ETS1: variants seen among roughly 807,000 people sequenced by gnomAD.
The protein encoded by ETS1 is ETS proto-oncogene 1, transcription factor.
Under a neutral mutation model 58.6 loss-of-function variants are expected in ETS1, and 15 were observed. The observed-to-expected ratio is 0.26, with a 90% CI of 0.17 to 0.39. The LOEUF is 0.39. Among genes scored for constraint, ETS1 ranks in the 10% least tolerant of loss-of-function variants. The pLI is 1.00. For synonymous variants in ETS1, 214 were observed against 218.2 expected, an observed-to-expected ratio of 0.98 and a Z score of 0.17; for missense variants, 417 against 610.5, an observed-to-expected ratio of 0.68 and a Z score of 3.34.
chr11:128,469,175 T>G (rs1279333044), intron 8 of ETS1, among the ~76,000 whole-genome samples: 1 of 152,222 alleles, frequency 6.6e-6, no homozygotes, highest in East Asian at 1.9e-4. Flanking sequence ...TTTGCTACTT[T>G]AAGAAGCTAA....
At chr11:128,529,421 A>AG (rs1308689671) in intron 3 of ETS1, among the ~76,000 whole-genome samples, 1 of 152,234 alleles carries the variant, frequency 6.6e-6, no homozygotes, top group Non-Finnish European at 1.5e-5. Context: ...ACAATCTAGC[A>AG]GGTGGCACAG....
At chr11:128,526,946 A>C (rs1217251284) in intron 3 of ETS1, 3 of 456,154 alleles carry the variant, frequency 6.6e-6, no homozygotes, top group African/African-American at 6.0e-5. Context: ...CACAATCTAA[A>C]AAAGTCAGTG....
intron 5 of ETS1, among the ~76,000 whole-genome samples, chr11:128,486,885 T>C (rs1305285340): frequency 1.2e-4 from 18 of 152,226 alleles, no homozygotes; most frequent in Admixed American, 1.2e-3. Context: ...ACAAATGCCA[T>C]GGCTCCGATT....
intron 2 of ETS1, among the ~76,000 whole-genome samples, chr11:128,566,713 G>A (rs1310912883): frequency 1.3e-5 from 2 of 151,940 alleles, no homozygotes; most frequent in Non-Finnish European, 1.5e-5. Context: ...AATCTGGGGG[G>A]CAGAGCCTGC....
At chr11:128,533,801 C>A (rs1436979096) in intron 3 of ETS1, among the ~76,000 whole-genome samples, 1 of 152,232 alleles carries the variant, frequency 6.6e-6, no homozygotes, top group African/African-American at 2.4e-5. Context: ...TCAAGAACAG[C>A]AATCATATTC....
intron 7 of ETS1, 50 bp from the exon 8 acceptor site, chr11:128,480,501 GAA>G (rs367685769): frequency 8.7e-5 from 92 of 1,060,306 alleles, no homozygotes; most frequent in Middle Eastern, 2.4e-4. Context: ...GAGGGAGTGG[GAA>G]AAAAAAAAAA....
chr11:128,522,404 G>A, intron 3 of ETS1: 1 of 957,046 alleles, frequency 1.0e-6, no homozygotes, highest in Non-Finnish European at 1.2e-6. Flanking sequence ...GGGTCCGCGC[G>A]CCCTGGGCCG....
At chr11:128,499,135 C>T (rs890463524) in intron 3 of ETS1, among the ~76,000 whole-genome samples, 3 of 152,198 alleles carry the variant, frequency 2.0e-5, no homozygotes, top group Admixed American at 6.5e-5. Flanking sequence ...GATCATACGG[C>T]TTTTGGTACC....
At chr11:128,502,005 T>TGG in intron 3 of ETS1, among the ~76,000 whole-genome samples, 1 of 150,448 alleles carries the variant, frequency 6.6e-6, no homozygotes, top group Non-Finnish European at 1.5e-5. Context: ...GGGGGTGGGG[T>TGG]GGAGAGAGAG....
intron 3 of ETS1, among the ~76,000 whole-genome samples, chr11:128,554,815 C>A (rs918423950): frequency 2.0e-5 from 3 of 151,944 alleles, no homozygotes; most frequent in Admixed American, 2.0e-4. Context: ...AAGAATTATA[C>A]AAATATAAAT....
chr11:128,460,111 C>A lies in ETS1; in HGVS notation c.*2250G>T, dbSNP rs1034670833. 1.5e-5 allele frequency: 2 copies of A among 136,674 alleles called. No homozygotes were observed. The highest frequency in any genetic ancestry group is 3.3e-5 in the Non-Finnish European group (2 of 60,842). The allele number at this position is 136,674 out of a possible 1,614,324, so 8.5% of individuals were successfully genotyped here. A position where few individuals can be genotyped will look rare whatever the true frequency, so the allele number is the denominator to read the frequency against. Reference sequence around the variant, plus strand: ...ACACACACACACACACACACACACACACACAACATTCACACACATGCACAC... The same window carrying A: ...ACACACACACACACACACACACACAAACACAACATTCACACACATGCACAC... On this transcript the variant is annotated 3_prime_UTR_variant, in exon 10 of 10. Coordinates refer to ENST00000392668, the MANE Select transcript of ETS1 (RefSeq NM_001143820.2).
chr11:128,527,135 A>T, intron 3 of ETS1: 1 of 359,278 alleles, frequency 2.8e-6, no homozygotes, highest in South Asian at 2.1e-5. Context: ...ACTTCTCTAC[A>T]CTGGATGTAT....
chr11:128,471,835 A>G (rs1437152518), intron 8 of ETS1, among the ~76,000 whole-genome samples: 3 of 152,246 alleles, frequency 2.0e-5, no homozygotes, highest in African/African-American at 7.2e-5. Flanking sequence ...TGAAGATTAT[A>G]GTCTTTTCTC....
At chr11:128,486,209 G>T in intron 5 of ETS1, 63 bp from the exon 6 acceptor site, 3 of 1,012,194 alleles carry the variant, frequency 3.0e-6, no homozygotes, top group Non-Finnish European at 4.7e-6. Flanking sequence ...TGGCCTAAAA[G>T]GATCTTGGAT....
chr11:128,524,741 A>G (rs1863767604), intron 3 of ETS1, among the ~76,000 whole-genome samples: 1 of 152,214 alleles, frequency 6.6e-6, no homozygotes, highest in East Asian at 1.9e-4. Flanking sequence ...AGCTCAATAA[A>G]TATGTGTTGA....
At chr11:128,564,193 C>G (rs746507454) in intron 2 of ETS1, among the ~76,000 whole-genome samples, 7 of 152,204 alleles carry the variant, frequency 4.6e-5, no homozygotes, top group Non-Finnish European at 8.8e-5. Flanking sequence ...CACTCCCCAG[C>G]TCTCCGGAGT....
chr11:128,576,837 C>T (rs1016156114), intron 1 of ETS1, among the ~76,000 whole-genome samples: 1 of 152,168 alleles, frequency 6.6e-6, no homozygotes, highest in African/African-American at 2.4e-5. Flanking sequence ...TGCCCATCCA[C>T]CCTCAAGATG....
At position 128,556,295 on chromosome 11, in the gene ETS1, GAC is replaced by G. The variant is rs778134251; in HGVS notation, c.208_209del (p.Val70LeufsTer32). 1.2e-6 allele frequency: 2 copies of G among 1,609,282 alleles called. No homozygotes were observed. The highest frequency in any genetic ancestry group is 1.7e-6 in the Non-Finnish European group (2 of 1,178,188). On this transcript the variant is annotated frameshift_variant, in exon 3 of 10. Transcript: ENST00000392668. LOFTEE classifies it high-confidence loss of function. Reference protein sequence around the residue: ...QEVPTGLEHCVSDMECADVPL... With the variant: ...QEVPTGLEHCXSDMECADVPL... ...AGCTTTTGTTTATGTTCCTACCTGA[GAC>G]ACAGTGTTCAAGACCAGTAGGAACT...
At chr11:128,482,741 G>A (rs1231434620) in intron 7 of ETS1, among the ~76,000 whole-genome samples, 4 of 152,134 alleles carry the variant, frequency 2.6e-5, no homozygotes, top group South Asian at 2.1e-4. Context: ...ATGCTGCTGC[G>A]CTCATGTAGG....
Sources: gnomAD v4.1 joint callset for allele counts (sites outside exome capture counted in the v4.1 genomes callset) on GRCh38, gnomAD v4.1.1 for gene constraint, MANE v1.5 for transcripts, NCBI Gene and HGNC (gene_info 2026-07-23, HGNC 2026-07-21) for gene names.